The following VWA2 variants were observed in gnomAD, a reference collection of about 807,000 sequenced individuals.
The protein encoded by VWA2 is von Willebrand factor A domain containing 2.
VWA2 carries 73 observed loss-of-function variants against 70.4 expected under a neutral mutation model. That is an observed-to-expected ratio of 1.04 (90% CI 0.86 to 1.26). The LOEUF is 1.26. Among genes scored for constraint, VWA2 ranks in the 50% most tolerant of loss-of-function variants. VWA2 has a pLI of 0.00. For synonymous variants in VWA2, 407 were observed against 423.3 expected, an observed-to-expected ratio of 0.96 and a Z score of 0.47; for missense variants, 1,011 against 998.5, an observed-to-expected ratio of 1.01 and a Z score of -0.17.
rs2039406177 is a variant in VWA2 at position 114,290,010 on chromosome 10, A to T, written c.2123-230A>T. The T allele has an allele frequency of 1.7e-5, 6 of 347,514 alleles. No homozygotes were observed. In the Admixed American group the frequency reaches 2.8e-4, roughly 16 times the overall value. 21.5% of individuals were successfully genotyped at this position (347,514 alleles called of 1,614,324 possible). Reference sequence around the variant, plus strand: ...TCTGCCTCAAAAAAAAAAAAAAAAAAGTCTGCCATGTGTATGGCACGTCTG... The same window carrying T: ...TCTGCCTCAAAAAAAAAAAAAAAAATGTCTGCCATGTGTATGGCACGTCTG... On this transcript the variant is annotated intron_variant, in intron 12 of 13. Transcript: ENST00000392982.
rs372694118 is a variant in VWA2 at position 114,247,772 on chromosome 10, C to T, written c.-10-932C>T. 1.4e-4 allele frequency among the ~76,000 whole-genome samples: 22 copies of T among 152,130 alleles called. No individual in the cohort carries two copies. In the South Asian group the frequency reaches 4.6e-3, roughly 32 times the overall value. On this transcript the variant is annotated intron_variant, in intron 1 of 13. Coordinates refer to ENST00000392982, the MANE Select transcript of VWA2 (RefSeq NM_001272046.2). ...TTTTAAAACCATAAAACAGCTTAGC[C>T]ACATCAGGGCCCTTCTCTTCACTTT...
intron 5 of VWA2, among the ~76,000 whole-genome samples, chr10:114,265,283 A>T (rs111527030): frequency 5.5e-4 from 83 of 152,286 alleles, no homozygotes; most frequent in African/African-American, 2.0e-3. Flanking sequence ...TAAAAAAAAA[A>T]TTTACCCATT....
chr10:114,261,805 A>G (rs1006121086), intron 5 of VWA2, among the ~76,000 whole-genome samples: 3 of 152,192 alleles, frequency 2.0e-5, no homozygotes, highest in Non-Finnish European at 2.9e-5. Flanking sequence ...TTGCATTGCT[A>G]TAAAGAAATA....
intron 2 of VWA2, among the ~76,000 whole-genome samples, chr10:114,252,756 A>G (rs2037224591): frequency 6.6e-6 from 1 of 151,788 alleles, no homozygotes; most frequent in African/African-American, 2.4e-5. Context: ...CCGCCAGCAC[A>G]CCCGGCTAAT....
At chr10:114,241,814 G>T (rs535994791) in intron 1 of VWA2, among the ~76,000 whole-genome samples, 1 of 152,276 alleles carries the variant, frequency 6.6e-6, no homozygotes, top group South Asian at 2.1e-4. Context: ...ATCAGTAAAT[G>T]AAAACCTAGT....
intron 2 of VWA2, among the ~76,000 whole-genome samples, chr10:114,250,976 G>A (rs942093114): frequency 6.6e-6 from 1 of 152,252 alleles, no homozygotes; most frequent in African/African-American, 2.4e-5. Flanking sequence ...CATGCCCAAG[G>A]TCACACAGCT....
chr10:114,261,424 GC>G, intron 5 of VWA2, 129 bp downstream of exon 5: 1 of 612,814 alleles, frequency 1.6e-6, no homozygotes, highest in East Asian at 2.8e-5. Flanking sequence ...GTCCAGCTGG[GC>G]ACAGTTGGTC....
chr10:114,276,826 G>A (rs185724133), intron 6 of VWA2, among the ~76,000 whole-genome samples: 28 of 152,012 alleles, frequency 1.8e-4, no homozygotes, highest in East Asian at 1.6e-3. Context: ...GTCTCTTTCC[G>A]CCTTTTGAGC....
intron 1 of VWA2, among the ~76,000 whole-genome samples, chr10:114,244,593 A>G (rs763684651): frequency 7.2e-5 from 11 of 152,032 alleles, no homozygotes; most frequent in Non-Finnish European, 1.6e-4. Context: ...TGCTCATTAC[A>G]TGGTAGTAGC....
chr10:114,252,006 C>T (rs2037207010), intron 2 of VWA2, among the ~76,000 whole-genome samples: 1 of 151,944 alleles, frequency 6.6e-6, no homozygotes, highest in South Asian at 2.1e-4. Flanking sequence ...GGGGTTTCAC[C>T]CTGTTGGCCA....
In VWA2 at chr10:114,286,196, C is replaced by A; in HGVS notation, c.1255C>A (p.Pro419Thr). 1 of 1,613,986 alleles carries A rather than the reference C, an allele frequency of 6.2e-7. No individual in the cohort carries two copies. The highest frequency in any genetic ancestry group is 8.5e-7 in the Non-Finnish European group (1 of 1,179,986). Reference protein sequence around the residue: ...SLDGIPFRGGPTLTGSALRQA... With the variant: ...SLDGIPFRGGTTLTGSALRQA... ...CGATGGCATTCCCTTCCGTGGTGGCCCCACCCTGACGGGCAGTGCCTTGCG... is the reference window on the plus strand; with the variant it reads ...CGATGGCATTCCCTTCCGTGGTGGCACCACCCTGACGGGCAGTGCCTTGCG... Residue 419 changes from proline to threonine, a missense_variant, in exon 11 of 14, where the codon CCC (proline) becomes ACC (threonine). Coordinates refer to ENST00000392982, the MANE Select transcript of VWA2 (RefSeq NM_001272046.2).
Position 114,293,686 on chromosome 10 carries a change from A to G in VWA2, c.*2449A>G, listed in dbSNP as rs906618486. ...TTGCAATAATTAAAACATTGCATAT[A>G]GGCCATAAATTTCCTTATTTTCTCT... is the stretch of plus-strand genomic sequence containing the variant. On this transcript the variant is annotated 3_prime_UTR_variant, in exon 14 of 14. Transcript: ENST00000392982. Among the ~76,000 whole-genome samples the G allele has an allele frequency of 1.7e-4, 26 of 152,238 alleles. No individual in the cohort carries two copies. Among genetic ancestry groups the G allele is most frequent in the Admixed American group, 1.5e-3 (23 of 15,288 alleles).
chr10:114,274,696 T>C (rs941801991), intron 6 of VWA2, among the ~76,000 whole-genome samples: 3 of 151,820 alleles, frequency 2.0e-5, no homozygotes, highest in African/African-American at 7.3e-5. Context: ...GGTTTCACCA[T>C]GTTGGCCAGG....
At position 114,261,189 on chromosome 10, in the gene VWA2, A is replaced by G; in HGVS notation, c.265A>G (p.Arg89Gly). The G allele has an allele frequency of 6.2e-7, 1 of 1,611,484 alleles. No individual in the cohort carries two copies. The highest frequency in any genetic ancestry group is 8.5e-7 in the Non-Finnish European group (1 of 1,177,820). The change falls in exon 5 of 14, where the codon AGA becomes GGA. Residue 89 changes from arginine (R) to glycine (G), a missense_variant. By Grantham distance (125) the Arg-to-Gly change is moderately radical. Coordinates refer to ENST00000392982, the MANE Select transcript of VWA2 (RefSeq NM_001272046.2). ...DGLDISPERVRVGAFQFSSTP... is the reference protein window; with the variant it reads ...DGLDISPERVGVGAFQFSSTP... Reference sequence around the variant, plus strand: ...AGCCCCCTGTCTCCTACTGCAGGTCAGAGTGGGAGCATTCCAGTTCAGTTC... The same window carrying G: ...AGCCCCCTGTCTCCTACTGCAGGTCGGAGTGGGAGCATTCCAGTTCAGTTC...
chr10:114,285,888 G>T (rs185329341), intron 10 of VWA2, 51 bp from the exon 11 acceptor site: 1 of 1,510,028 alleles, frequency 6.6e-7, no homozygotes, highest in Non-Finnish European at 8.9e-7. Context: ...GGGACAGCTC[G>T]CATGCCGCAT....
intron 10 of VWA2, 37 bp from the exon 11 acceptor site, chr10:114,285,902 C>T (rs1447239640): frequency 1.9e-6 from 3 of 1,544,970 alleles, no homozygotes; most frequent in Middle Eastern, 1.8e-4. Context: ...GCCGCATGAC[C>T]ATGGCTTGAC....
At chr10:114,252,350 GGGA>G (rs2037214262) in intron 2 of VWA2, among the ~76,000 whole-genome samples, 1 of 152,098 alleles carries the variant, frequency 6.6e-6, no homozygotes. Flanking sequence ...AGAGATTGAG[GGGA>G]GGAGGGAGTA....
intron 5 of VWA2, among the ~76,000 whole-genome samples, chr10:114,265,246 GT>G (rs1465516456): frequency 6.7e-6 from 1 of 148,210 alleles, no homozygotes; most frequent in Non-Finnish European, 1.5e-5. Context: ...TGAATTTTAT[GT>G]TATGTAAGTT....
chr10:114,264,400 T>C (rs908864126), intron 5 of VWA2, among the ~76,000 whole-genome samples: 3 of 149,680 alleles, frequency 2.0e-5, no homozygotes, highest in Non-Finnish European at 4.5e-5. Context: ...TAGCAGGTCA[T>C]ATACTATATG....
Sources: gnomAD v4.1 joint callset for allele counts (sites outside exome capture counted in the v4.1 genomes callset) on GRCh38, gnomAD v4.1.1 for gene constraint, MANE v1.5 for transcripts, NCBI Gene and HGNC (gene_info 2026-07-23, HGNC 2026-07-21) for gene names.